RUVBL1: variants seen among roughly 807,000 people sequenced by gnomAD.
The protein encoded by RUVBL1 is RuvB like AAA ATPase 1.
Under a neutral mutation model 52.4 loss-of-function variants are expected in RUVBL1, and 4 were observed. That is an observed-to-expected ratio of 0.08 (90% CI 0.04 to 0.17). The LOEUF is 0.17. Among genes scored for constraint, RUVBL1 ranks in the 10% least tolerant of loss-of-function variants. The pLI is 1.00. For missense variants in RUVBL1, 298 were observed against 572.8 expected, an observed-to-expected ratio of 0.52 and a Z score of 4.90; for synonymous variants, 217 against 214.4, an observed-to-expected ratio of 1.01 and a Z score of -0.10.
chr3:128,083,158 G>C (rs1339124462), intron 9 of RUVBL1: 1 of 153,574 alleles, frequency 6.5e-6, no homozygotes, highest in Non-Finnish European at 1.4e-5. Context: ...TGGTAGAGTT[G>C]GAGGGGAGGC....
At chr3:128,065,398 G>T (rs1029866374) in intron 9 of RUVBL1, 1 of 543,790 alleles carries the variant, frequency 1.8e-6, no homozygotes, top group South Asian at 2.8e-5. Flanking sequence ...ATATTTATAG[G>T]TAACTTCTGC....
At chr3:128,141,599 C>T (rs1252652613) in intron 1 of RUVBL1, among the ~76,000 whole-genome samples, 5 of 152,278 alleles carry the variant, frequency 3.3e-5, no homozygotes, top group South Asian at 4.1e-4. Context: ...CCAGATCAAG[C>T]GATTCTCCTG....
At chr3:128,147,522 G>A (rs768674072) in intron 1 of RUVBL1, among the ~76,000 whole-genome samples, 28 of 152,196 alleles carry the variant, frequency 1.8e-4, no homozygotes, top group Non-Finnish European at 2.9e-4. Context: ...AGTGAGCTAT[G>A]ATTATGCCAC....
chr3:128,110,659 T>C (rs1943364434), intron 3 of RUVBL1, among the ~76,000 whole-genome samples: 1 of 152,158 alleles, frequency 6.6e-6, no homozygotes, highest in Non-Finnish European at 1.5e-5. Flanking sequence ...ACACAGTTCA[T>C]AATCTCTCTG....
chr3:128,133,207 A>T (rs750104581), intron 1 of RUVBL1, among the ~76,000 whole-genome samples: 14 of 152,162 alleles, frequency 9.2e-5, no homozygotes, highest in Non-Finnish European at 1.8e-4. Context: ...CGGTTTGGGC[A>T]CCAGCTCGGC....
intron 9 of RUVBL1, chr3:128,070,782 A>C (rs1308890556): frequency 6.6e-6 from 1 of 151,704 alleles, no homozygotes; most frequent in Non-Finnish European, 1.5e-5. Flanking sequence ...TGAAATAAGA[A>C]GACTCATGTT....
chr3:128,130,712 G>A lies in RUVBL1; in HGVS notation c.-39-11298C>T, dbSNP rs550713399. On this transcript the variant is annotated intron_variant, in intron 1 of 9. Transcript: ENST00000464873. ...GTCCCCCAGGCTGGAGTGCAGTGGC[G>A]CGATCTCGGCTCACTGCAAACTCCA... Among the ~76,000 whole-genome samples, 156 of 151,248 alleles carry A rather than the reference G, an allele frequency of 1.0e-3. 1 individual carries two copies. Among genetic ancestry groups the A allele is most frequent in the Non-Finnish European group, 1.6e-3 (108 of 67,872 alleles).
chr3:128,065,047 G>C, exon 10 of RUVBL1: 1 of 1,614,124 alleles, frequency 6.2e-7, no homozygotes, highest in Non-Finnish European at 8.5e-7. Flanking sequence ...GGTGTGTCCA[G>C]ATCCAACCCC....
intron 6 of RUVBL1, 60 bp from the exon 7 acceptor site, chr3:128,099,005 C>G (rs564249807): frequency 7.3e-7 from 1 of 1,364,616 alleles, no homozygotes; most frequent in Non-Finnish European, 1.0e-6. Flanking sequence ...GAAGCCTCAT[C>G]CCCCTGCATC....
At chr3:128,093,536 T>C (rs1256777023) in intron 8 of RUVBL1, among the ~76,000 whole-genome samples, 2 of 152,122 alleles carry the variant, frequency 1.3e-5, no homozygotes, top group African/African-American at 4.8e-5. Flanking sequence ...AGGGTTACAC[T>C]GAGCAGAGTC....
chr3:128,108,073 C>T (rs891099371), intron 3 of RUVBL1, among the ~76,000 whole-genome samples: 9 of 152,174 alleles, frequency 5.9e-5, no homozygotes, highest in Admixed American at 5.2e-4. Context: ...TCTCTGGCAA[C>T]GACAACACAA....
At chr3:128,143,074 C>A (rs572744498) in intron 1 of RUVBL1, among the ~76,000 whole-genome samples, 9 of 151,620 alleles carry the variant, frequency 5.9e-5, no homozygotes, top group African/African-American at 2.2e-4. Flanking sequence ...AGCCACAGTG[C>A]CCAGACCCTC....
Position 128,082,703 on chromosome 3 carries a change from G to T in RUVBL1, c.1120-129C>A. On this transcript the variant is annotated intron_variant, in intron 9 of 10. Transcript: ENST00000322623. The surrounding 1 kb of genome is among the most constrained non-coding windows in gnomAD (Gnocchi z 4.7). Reference sequence around the variant, plus strand: ...AAGAGAAACTGAGACCTGGGTTGGTGGGCAGGGAGCCAACGCCTGCCCAGC... The same window carrying T: ...AAGAGAAACTGAGACCTGGGTTGGTTGGCAGGGAGCCAACGCCTGCCCAGC... 1 of 780,042 alleles carries T rather than the reference G, an allele frequency of 1.3e-6. No individual in the cohort carries two copies. The highest frequency in any genetic ancestry group is 2.8e-5 in the East Asian group (1 of 36,264). 48.3% of individuals were successfully genotyped at this position (780,042 alleles called of 1,614,324 possible). A position where few individuals can be genotyped will look rare whatever the true frequency, so the allele number is the denominator to read the frequency against.
intron 1 of RUVBL1, among the ~76,000 whole-genome samples, chr3:128,150,987 T>C: frequency 1.3e-5 from 1 of 78,964 alleles, no homozygotes; most frequent in South Asian, 3.4e-4. Flanking sequence ...ATATATTCTA[T>C]ATATATTATA....
At position 128,097,437 on chromosome 3, in the gene RUVBL1, C is replaced by T. The variant is rs1943009641; in HGVS notation, c.879G>A (p.Glu293=). The change falls in exon 8 of 11, where the codon GAG becomes GAA. Residue 293 remains glutamate (E), a synonymous_variant. Transcript: ENST00000322623. ...CAACAAACAGCACACCCGGGACCAG[C>T]TCAGCAATGCCCTGGTCGATGTACT... ...VNKYIDQGIA[E]LVPGVLFVDE... is the part of the protein sequence containing the mutation. 2 of 1,614,080 alleles carry T rather than the reference C, an allele frequency of 1.2e-6. No homozygotes were observed. Among genetic ancestry groups the T allele is most frequent in the South Asian group, 2.2e-5 (2 of 91,090 alleles).
At chr3:128,147,053 C>A (rs1356525838) in intron 1 of RUVBL1, among the ~76,000 whole-genome samples, 1 of 152,206 alleles carries the variant, frequency 6.6e-6, no homozygotes, top group Non-Finnish European at 1.5e-5. Context: ...GATACCACAA[C>A]ACACCTATTG....
chr3:128,065,051 C>T, exon 10 of RUVBL1: 1 of 1,613,914 alleles, frequency 6.2e-7, no homozygotes, highest in Non-Finnish European at 8.5e-7. Context: ...TGTCCAGATC[C>T]AACCCCAGGG....
chr3:128,151,053 T>C (rs1576495974), intron 1 of RUVBL1, among the ~76,000 whole-genome samples: 2 of 105,688 alleles, frequency 1.9e-5, no homozygotes, highest in Admixed American at 1.4e-4. Context: ...ATATATTCTA[T>C]ATATATTATA....
chr3:128,081,044 A>C lies in RUVBL1; in HGVS notation c.*206T>G, dbSNP rs1576438361. 3.1e-5 allele frequency: 16 copies of C among 513,266 alleles called. No individual in the cohort carries two copies. The East Asian group carries it at 4.8e-4, about 15-fold the overall frequency. 31.8% of individuals were successfully genotyped at this position (513,266 alleles called of 1,614,324 possible). A position where few individuals can be genotyped will look rare whatever the true frequency, so the allele number is the denominator to read the frequency against. The stretch of plus-strand genomic sequence containing the variant: ...TAACCTATGAAGATTTATAGAAAAC[A>C]CACCAGGTAAGGAAGGGTTCTTTCA... On this transcript the variant is annotated 3_prime_UTR_variant, in exon 11 of 11. Coordinates refer to ENST00000322623, the MANE Select transcript of RUVBL1 (RefSeq NM_003707.3). The surrounding 1 kb of genome is among the most constrained non-coding windows in gnomAD (Gnocchi z 4.8).
Sources: allele counts gnomAD v4.1 joint callset (sites outside exome capture counted in the v4.1 genomes callset), GRCh38; gene constraint gnomAD v4.1.1; non-coding constraint Gnocchi (gnomAD v3.1); transcripts MANE v1.5; gene names NCBI Gene and HGNC (gene_info 2026-07-23, HGNC 2026-07-21).